Variants in NLRP1 observed in about 807,000 individuals in gnomAD.
NLRP1 encodes NLR family pyrin domain containing 1, also known as NACHT, LRR and PYD domains-containing protein 1.
NLRP1 carries 94 observed loss-of-function variants against 136.7 expected under a neutral mutation model. That is an observed-to-expected ratio of 0.69 (90% confidence interval 0.58 to 0.82). The LOEUF (loss-of-function observed/expected upper bound fraction) is 0.82. NLRP1 is among the 40% of genes least tolerant of loss of function. NLRP1 has a pLI of 0.00. For missense variants in NLRP1, 1,575 were observed against 1,802.7 expected, an observed-to-expected ratio of 0.87 and a Z score of 2.29; for synonymous variants, 690 against 725.1, an observed-to-expected ratio of 0.95 and a Z score of 0.78.
intron 12 of NLRP1, 25 bp downstream of exon 12, chr17:5,530,456 C>T: frequency 3.8e-6 from 6 of 1,593,862 alleles, no homozygotes; most frequent in Non-Finnish European, 5.2e-6. Context: ...CACCACCTTC[C>T]TCCCTATCCT....
intron 15 of NLRP1, among the ~76,000 whole-genome samples, chr17:5,507,931 C>T (rs950947913): frequency 3.3e-5 from 5 of 152,010 alleles, no homozygotes; most frequent in Admixed American, 6.6e-5. Flanking sequence ...GTCAGGAGTT[C>T]GAGACCAGCC....
At position 5,559,223 on chromosome 17, in the gene NLRP1, G is replaced by A. The variant is rs1914453785; in HGVS notation, c.1473C>T (p.Tyr491=). The A allele has an allele frequency of 6.2e-7, 1 of 1,614,196 alleles. No homozygotes were observed. The highest frequency in any genetic ancestry group is 8.5e-7 in the Non-Finnish European group (1 of 1,180,036). The part of the protein sequence containing the change: ...FSESSRKEYF[Y]RYFTDERQAI... ...CTTGCCTTTCATCTGTGAAATATCT[G>A]TAGAAATATTCCTTCCTGCTGGACT... Residue 491 remains tyrosine (Y), a synonymous_variant, in exon 4 of 17, where the codon TAC becomes TAT. Transcript: ENST00000572272.
rs1317916817 is a variant in NLRP1 at position 5,556,161 on chromosome 17, CAT to C, written c.2357+2176_2357+2177del. ...ACACACACACACACACACACACACA[CAT>C]GAAGGGCTGGGCATGGTGGCTCACA... On this transcript the variant is annotated intron_variant, in intron 4 of 16. Transcript: ENST00000572272. Among the ~76,000 whole-genome samples, 170 of 118,404 alleles carry C rather than the reference CAT, an allele frequency of 1.4e-3. 3 individuals are homozygous for C. In the Middle Eastern group the frequency reaches 0.016, roughly 11 times the overall value. 77.7% of individuals were successfully genotyped at this position (118,404 alleles called of 152,430 possible). A position where few individuals can be genotyped will look rare whatever the true frequency, so the allele number is the denominator to read the frequency against.
chr17:5,556,158 ACAC>A (rs1359101851), intron 4 of NLRP1, among the ~76,000 whole-genome samples: 18 of 143,554 alleles, frequency 1.3e-4, no homozygotes, highest in African/African-American at 5.1e-4. Flanking sequence ...ACACACACAC[ACAC>A]ATGAAGGGCT....
intron 3 of NLRP1, among the ~76,000 whole-genome samples, chr17:5,569,350 C>T (rs1915637352): frequency 6.6e-6 from 1 of 152,074 alleles, no homozygotes. Context: ...AGAAGCATGG[C>T]CCAACTGGAT....
Position 5,558,447 on chromosome 17 carries a change from T to G in NLRP1, c.2249A>C (p.Glu750Ala), listed in dbSNP as rs1914354074. ...AATGCAGAAAGTGCACACTAAGAGC[T>G]CCATGTCTGTTTCTACACACATGCC... Reference protein sequence around the residue: ...EMGMCVETDMELLVCTFCIKF... With the variant: ...EMGMCVETDMALLVCTFCIKF... The change falls in exon 4 of 17, where the codon GAG becomes GCG. Residue 750 changes from glutamate to alanine, a missense_variant. Physicochemically the swap from Glu to Ala is moderately radical, Grantham distance 107 (BLOSUM62 -1). Transcript: ENST00000572272. 6.2e-7 allele frequency: 1 copy of G among 1,613,566 alleles called. No individual in the cohort carries two copies. Among genetic ancestry groups the G allele is most frequent in the South Asian group, 1.1e-5 (1 of 91,054 alleles).
chr17:5,517,936 G>T, intron 14 of NLRP1, 49 bp from the exon 15 acceptor site: 2 of 1,602,460 alleles, frequency 1.2e-6, no homozygotes, highest in Non-Finnish European at 1.7e-6. Context: ...TTGCATGGAA[G>T]GTCTTTCCCC....
intron 3 of NLRP1, among the ~76,000 whole-genome samples, chr17:5,581,299 A>T (rs899498789): frequency 1.1e-4 from 16 of 152,210 alleles, no homozygotes; most frequent in Non-Finnish European, 1.3e-4. Flanking sequence ...CGTGAGAGAG[A>T]GTGAAGGCTG....
chr17:5,513,955 G>C (rs1424894767), downstream of NLRP1, among the ~76,000 whole-genome samples: 2 of 152,156 alleles, frequency 1.3e-5, no homozygotes, highest in East Asian at 3.9e-4. Flanking sequence ...GCAGCATCTG[G>C]AAGTTTCCCT....
intron 7 of NLRP1, 101 bp downstream of exon 7, chr17:5,539,314 A>T: frequency 2.7e-6 from 3 of 1,120,814 alleles, no homozygotes; most frequent in Non-Finnish European, 3.7e-6. Context: ...GCTGGTAAGA[A>T]ACTTGGGTTG....
intron 5 of NLRP1, among the ~76,000 whole-genome samples, chr17:5,549,914 T>C (rs77239651): frequency 1.3e-5 from 2 of 152,326 alleles, no homozygotes; most frequent in East Asian, 1.9e-4. Flanking sequence ...GAAAAGGTGT[T>C]GAGGGTTTGT....
chr17:5,530,880 G>C (rs1162415049), intron 11 of NLRP1, among the ~76,000 whole-genome samples, 176 bp from the exon 12 acceptor site: 1 of 152,148 alleles, frequency 6.6e-6, no homozygotes, highest in Non-Finnish European at 1.5e-5. Context: ...GTGGATCCCT[G>C]AGCAAGTCAT....
intron 4 of NLRP1, among the ~76,000 whole-genome samples, chr17:5,553,916 A>G (rs1913703815): frequency 6.7e-6 from 1 of 149,196 alleles, no homozygotes; most frequent in Non-Finnish European, 1.5e-5. Flanking sequence ...GGTGCTGAGC[A>G]CTGCAGATAA....
Position 5,561,992 on chromosome 17 carries a change from T to G in NLRP1, c.653-1949A>C, listed in dbSNP as rs139280421. 6.1e-4 allele frequency among the ~76,000 whole-genome samples: 93 copies of G among 152,090 alleles called. 1 individual carries two copies. The East Asian group carries it at 0.018, about 29-fold the overall frequency. On this transcript the variant is annotated intron_variant, in intron 3 of 16. Transcript: ENST00000572272. Reference sequence around the variant, plus strand: ...CCGCCTCTCCTAGCCATGCAGGCCATGTCTGCTAGAGCTTCCAGCGCAGTG... The same window carrying G: ...CCGCCTCTCCTAGCCATGCAGGCCAGGTCTGCTAGAGCTTCCAGCGCAGTG...
chr17:5,506,148 G>T (rs1403357434), intron 15 of NLRP1, among the ~76,000 whole-genome samples: 1 of 151,914 alleles, frequency 6.6e-6, no homozygotes, highest in African/African-American at 2.4e-5. Flanking sequence ...GCTGGGCATG[G>T]GGGTGGGCGC....
At chr17:5,562,027 C>A (rs1483730001) in intron 3 of NLRP1, among the ~76,000 whole-genome samples, 1 of 152,214 alleles carries the variant, frequency 6.6e-6, no homozygotes, top group Admixed American at 6.5e-5. Context: ...GGTCCTAATT[C>A]TGTCTGAATC....
intron 5 of NLRP1, among the ~76,000 whole-genome samples, chr17:5,551,607 G>A (rs910924246): frequency 6.6e-6 from 1 of 152,196 alleles, no homozygotes; most frequent in Admixed American, 6.5e-5. Context: ...CTGCTAGACT[G>A]TATTCCAAAG....
At chr17:5,558,213 G>C (rs980784517) in intron 4 of NLRP1, 126 bp downstream of exon 4, 2 of 957,622 alleles carry the variant, frequency 2.1e-6, no homozygotes, top group Non-Finnish European at 3.1e-6. Flanking sequence ...AGAAGTCACT[G>C]GAGACCCTGA....
chr17:5,524,369 C>T (rs929670185), intron 12 of NLRP1, among the ~76,000 whole-genome samples: 1 of 152,220 alleles, frequency 6.6e-6, no homozygotes, highest in African/African-American at 2.4e-5. Flanking sequence ...AGTGGATGCA[C>T]CACCCTGTGA....
Sources: allele counts gnomAD v4.1 joint callset (sites outside exome capture counted in the v4.1 genomes callset), GRCh38; gene constraint gnomAD v4.1.1; transcripts MANE v1.5; gene names NCBI Gene and HGNC (gene_info 2026-07-23, HGNC 2026-07-21).